The following MARF1 variants were observed in gnomAD, a reference collection of about 807,000 sequenced individuals.
MARF1 encodes limkain-b1.
A neutral mutation model predicts 168.2 loss-of-function variants in MARF1; 24 were observed. The observed-to-expected ratio is 0.14, with a 90% CI of 0.10 to 0.20. The LOEUF is 0.20. Ranked by LOEUF, MARF1 falls within the 10% of genes least tolerant of loss-of-function variation. MARF1 has a pLI of 1.00. For synonymous variants in MARF1, 868 were observed against 822.4 expected (o/e 1.06, Z -0.95); for missense variants, 1,744 against 2,143.6 (o/e 0.81, Z 3.68).
In MARF1 at chr16:15,631,302, C is replaced by T. The variant is rs143281775; in HGVS notation, c.1351+79G>A. ...TCAGCCTCTTTGGGGATACATTTTA[C>T]TTTCACATGTTGCTGGCTTCTATGA... On this transcript the variant is annotated intron_variant, in intron 6 of 26. Transcript: ENST00000396368. The T allele has an allele frequency of 9.7e-3, 9,420 of 970,072 alleles. 82 individuals are homozygous for T. Among genetic ancestry groups the T allele is most frequent in the Non-Finnish European group, 0.014 (8,346 of 607,382 alleles). 60.1% of individuals were successfully genotyped at this position (970,072 alleles called of 1,614,324 possible).
At chr16:15,611,228 G>T in intron 18 of MARF1, 120 bp from the exon 19 acceptor site, 2 of 921,572 alleles carry the variant, frequency 2.2e-6, no homozygotes, top group Non-Finnish European at 3.4e-6. Flanking sequence ...GGAGGCCGAG[G>T]TGGACGGATC....
At chr16:15,622,063 TAAGA>T in intron 11 of MARF1, 152 bp from the exon 12 acceptor site, 2 of 693,366 alleles carry the variant, frequency 2.9e-6, no homozygotes, top group Non-Finnish European at 4.7e-6. Flanking sequence ...GACCAGGACG[TAAGA>T]AAGTGAGGAT....
chr16:15,632,876 G>T (rs540402860), intron 5 of MARF1, among the ~76,000 whole-genome samples: 2 of 152,140 alleles, frequency 1.3e-5, no homozygotes, highest in East Asian at 3.9e-4. Flanking sequence ...CTGGCCAAGT[G>T]ATCTTAAACA....
chr16:15,629,678 G>A (rs959521205), intron 7 of MARF1, among the ~76,000 whole-genome samples: 2 of 151,966 alleles, frequency 1.3e-5, no homozygotes, highest in African/African-American at 2.4e-5. Context: ...ACACATATTC[G>A]CCAGCGGCTT....
intron 2 of MARF1, among the ~76,000 whole-genome samples, chr16:15,636,794 G>A (rs1419170435): frequency 1.3e-5 from 2 of 152,196 alleles, no homozygotes; most frequent in Admixed American, 1.3e-4. Context: ...GCCATAAGGG[G>A]TTTTAGTAAG....
At chr16:15,612,802 G>A in intron 16 of MARF1, 25 bp from the exon 17 acceptor site, 1 of 1,590,390 alleles carries the variant, frequency 6.3e-7, no homozygotes, top group Non-Finnish European at 8.6e-7. Flanking sequence ...ACGTGTATAA[G>A]ACAGAAAGCA....
At chr16:15,602,604 A>C (rs867394965) in intron 22 of MARF1, 1 of 467,848 alleles carries the variant, frequency 2.1e-6, no homozygotes, top group Admixed American at 2.3e-5. Context: ...AAGACAAAGA[A>C]GAAGAAAGGA....
At chr16:15,607,346 C>T (rs1024578821) in intron 21 of MARF1, among the ~76,000 whole-genome samples, 2 of 152,084 alleles carry the variant, frequency 1.3e-5, no homozygotes, top group African/African-American at 2.4e-5. Flanking sequence ...GCCAGGAGTT[C>T]GAGATCAGCC....
chr16:15,641,865 C>T (rs143368635), intron 1 of MARF1, among the ~76,000 whole-genome samples: 48 of 152,316 alleles, frequency 3.2e-4, no homozygotes, highest in African/African-American at 1.1e-3. Context: ...TTCCCAAATA[C>T]CATCCACGAA....
Position 15,625,464 on chromosome 16 carries a change from C to T in MARF1, c.1861G>A (p.Glu621Lys). 5 of 1,614,142 alleles carry T rather than the reference C, an allele frequency of 3.1e-6. No homozygotes were observed. The highest frequency in any genetic ancestry group is 4.2e-6 in the Non-Finnish European group (5 of 1,180,010). The change falls in exon 8 of 27, where the codon GAA becomes AAA. Residue 621 changes from glutamate to lysine, a missense_variant. Around this residue, in one of 7 missense-constraint regions of MARF1, gnomAD observed 270 missense variants for 260.6 expected, o/e 1.04. Transcript: ENST00000396368. ...PKLCLIKDAS[E>K]QSSSAKATPG... ...GTGGCTTTGGCACTGGAAGATTGTT[C>T]ACTTGCATCTTTGATGAGGCACAAT...
At chr16:15,642,814 A>C (rs1381850930) in intron 1 of MARF1, among the ~76,000 whole-genome samples, 1 of 152,190 alleles carries the variant, frequency 6.6e-6, no homozygotes, top group Non-Finnish European at 1.5e-5. Flanking sequence ...CAACAGTGAC[A>C]GTAGTGAATG....
At chr16:15,642,405 A>G (rs1439477958) in intron 1 of MARF1, 1 of 152,366 alleles carries the variant, frequency 6.6e-6, no homozygotes, top group Admixed American at 6.5e-5. Context: ...CTTAATAAAT[A>G]GGAAAACAGT....
intron 2 of MARF1, among the ~76,000 whole-genome samples, chr16:15,638,111 C>T (rs1211969849): frequency 6.6e-6 from 1 of 152,006 alleles, no homozygotes; most frequent in Non-Finnish European, 1.5e-5. Flanking sequence ...TTGCAGTGAA[C>T]CCGGATCGTG....
chr16:15,602,764 A>AG (rs1277540712), intron 22 of MARF1: 4 of 398,578 alleles, frequency 1.0e-5, no homozygotes, highest in Admixed American at 6.7e-5. Context: ...GTGTGTGAGT[A>AG]GGGAAGAAAT....
chr16:15,633,843 C>T lies in MARF1; in HGVS notation c.1007G>A (p.Gly336Glu), dbSNP rs375723335. The T allele has an allele frequency of 6.3e-7, 1 of 1,597,024 alleles. No individual in the cohort carries two copies. The highest frequency in any genetic ancestry group is 8.5e-7 in the Non-Finnish European group (1 of 1,171,378). ...TCCAGCTACTGCAACTTCTGGTGACCCTTAAGAAATGTTAACATTTTCAAT... is the reference window on the plus strand; with the variant it reads ...TCCAGCTACTGCAACTTCTGGTGACTCTTAAGAAATGTTAACATTTTCAAT... Reference protein sequence around the residue: ...TSLGKAASKFGSPEVAVAGQV... With the variant: ...TSLGKAASKFESPEVAVAGQV... Residue 336 changes from glycine to glutamate, a missense_variant and splice_region_variant, in exon 5 of 27, where the codon GGG becomes GAG. Physicochemically the swap from Gly to Glu is moderately conservative, Grantham distance 98. Coordinates refer to ENST00000396368, the MANE Select transcript of MARF1 (RefSeq NM_014647.4).
Position 15,635,426 on chromosome 16 carries a change from G to A in MARF1, c.831+230C>T, listed in dbSNP as rs764564854. 1.9e-5 allele frequency: 10 copies of A among 536,212 alleles called. No individual in the cohort carries two copies. In the Admixed American group the frequency reaches 2.1e-4, roughly 11 times the overall value. The allele number at this position is 536,212 out of a possible 1,614,324, so 33.2% of individuals were successfully genotyped here. On this transcript the variant is annotated intron_variant, in intron 3 of 26. Coordinates refer to ENST00000396368, the MANE Select transcript of MARF1 (RefSeq NM_014647.4). ...GCCAACCTCTTGTTTGCAACAAGAG[G>A]CTCTAAAAGTATAAACTACAAAAAT... is the stretch of plus-strand genomic sequence containing the variant.
intron 10 of MARF1, among the ~76,000 whole-genome samples, chr16:15,624,169 T>C (rs959309322): frequency 1.3e-5 from 2 of 152,136 alleles, no homozygotes; most frequent in Non-Finnish European, 2.9e-5. Context: ...TCCTCCCGCC[T>C]CGGCCTCCCA....
chr16:15,611,799 G>T, intron 17 of MARF1, 65 bp from the exon 18 acceptor site: 1 of 1,399,684 alleles, frequency 7.1e-7, no homozygotes, highest in Non-Finnish European at 1.0e-6. Context: ...CTTGCTGCTG[G>T]CTCACCCTCT....
Position 15,609,622 on chromosome 16 carries a change from G to T in MARF1, c.3855C>A (p.Ile1285=). The T allele has an allele frequency of 6.2e-7, 1 of 1,614,122 alleles. No homozygotes were observed. The highest frequency in any genetic ancestry group is 8.5e-7 in the Non-Finnish European group (1 of 1,179,986). ...PHFRMPFNKF[I]PSYHHHFGRQ... The stretch of plus-strand genomic sequence containing the variant: ...GGCCAAAGTGGTGATGGTAAGAAGG[G>T]ATAAATTTATTAAAGGGCATCCGGA... The change falls in exon 20 of 27, where the codon ATC becomes ATA. Residue 1285 remains isoleucine (I), a synonymous_variant. Transcript: ENST00000396368.
Sources: gnomAD v4.1 joint callset for allele counts (sites outside exome capture counted in the v4.1 genomes callset) on GRCh38, gnomAD v4.1.1 for gene constraint, gnomAD v4.1.1 regional missense constraint, MANE v1.5 for transcripts, NCBI Gene and HGNC (gene_info 2026-07-23, HGNC 2026-07-21) for gene names.